Variants in FAM171A1 observed in about 807,000 individuals in gnomAD.
FAM171A1 encodes the protein family with sequence similarity 171 member A1.
A neutral mutation model predicts 74.9 loss-of-function variants in FAM171A1; 23 were observed. That is an observed-to-expected ratio of 0.31 (90% CI 0.22 to 0.44). FAM171A1 has a LOEUF of 0.44. Ranked by LOEUF, FAM171A1 falls within the 20% of genes least tolerant of loss-of-function variation. FAM171A1 has a pLI of 1.00. For synonymous variants in FAM171A1, 527 were observed against 505.7 expected, an observed-to-expected ratio of 1.04 and a Z score of -0.57; for missense variants, 1,162 against 1,159.2, an observed-to-expected ratio of 1.00 and a Z score of -0.03.
At position 15,213,389 on chromosome 10, in the gene FAM171A1, G is replaced by T. The variant is rs768929987; in HGVS notation, c.2199C>A (p.Asn733Lys). The T allele has an allele frequency of 6.2e-7, 1 of 1,614,104 alleles. No homozygotes were observed. Among genetic ancestry groups the T allele is most frequent in the African/African-American group, 1.3e-5 (1 of 75,018 alleles). The stretch of plus-strand genomic sequence containing the variant: ...AGTCCAAACTGGCATCATTACTTCC[G>T]TTCCTTCCAGCTCTTTGGAGATCAA... ...SYIDLQRAGRNGSNDASLDSG... is the reference protein window; with the variant it reads ...SYIDLQRAGRKGSNDASLDSG... The change falls in exon 8 of 8, where the codon AAC (asparagine) becomes AAA (lysine). Residue 733 changes from asparagine to lysine, a missense_variant. Transcript: ENST00000378116. The surrounding 1 kb of genome is among the most constrained non-coding windows in gnomAD (Gnocchi z 6.8).
intron 3 of FAM171A1, 99 bp from the exon 4 acceptor site, chr10:15,254,978 C>T: frequency 2.7e-6 from 3 of 1,099,054 alleles, no homozygotes; most frequent in Non-Finnish European, 4.0e-6. Flanking sequence ...CAGCACGCCT[C>T]CCCCACCCTG....
In FAM171A1 at chr10:15,214,423, C is replaced by CG. The variant is rs1564612167; in HGVS notation, c.1164dup (p.Gly389ArgfsTer38). ...ACTCCACTCATCAGTTCCTTCGTGC[C>CG]GGGGGCCTCGGGGCGGCCGTGGCTG... On this transcript the variant is annotated frameshift_variant, in exon 8 of 8. Transcript: ENST00000378116. LOFTEE classifies it high-confidence loss of function. 1 of 1,614,040 alleles carries CG rather than the reference C, an allele frequency of 6.2e-7. No homozygotes were observed. Among genetic ancestry groups the CG allele is most frequent in the Non-Finnish European group, 8.5e-7 (1 of 1,180,008 alleles).
At chr10:15,218,546 A>G (rs1833996149) in intron 6 of FAM171A1, among the ~76,000 whole-genome samples, 1 of 152,148 alleles carries the variant, frequency 6.6e-6, no homozygotes, top group South Asian at 2.1e-4. Context: ...TTGTGAGATG[A>G]CTGACATATG....
At chr10:15,335,181 T>C (rs1835686019) in intron 1 of FAM171A1, among the ~76,000 whole-genome samples, 1 of 152,152 alleles carries the variant, frequency 6.6e-6, no homozygotes, top group African/African-American at 2.4e-5. Flanking sequence ...GAGGTGGAAT[T>C]TGCAGTGAGC....
intron 7 of FAM171A1, 99 bp from the exon 8 acceptor site, chr10:15,214,700 G>A: frequency 1.4e-6 from 2 of 1,446,966 alleles, no homozygotes; most frequent in Non-Finnish European, 1.8e-6. Flanking sequence ...TTTCCATGGG[G>A]AGAGACAAAA....
chr10:15,276,471 G>A (rs914504551), intron 2 of FAM171A1, among the ~76,000 whole-genome samples: 6 of 152,072 alleles, frequency 3.9e-5, no homozygotes, highest in South Asian at 2.1e-4. Context: ...GAGCCACTGC[G>A]CCCAGCCAGA....
rs1018198548 is a variant in FAM171A1, at chr10:15,270,039, C to T, written c.418+5816G>A. Among the ~76,000 whole-genome samples the T allele has an allele frequency of 2.0e-5, 3 of 152,188 alleles. No individual in the cohort carries two copies. The East Asian group carries it at 5.8e-4, about 29-fold the overall frequency. Reference sequence around the variant, plus strand: ...AGGTACCAGGTTCATCTCACTGGGGCTTGTCGGACAGTAGGTGCAGCCCAC... The same window carrying T: ...AGGTACCAGGTTCATCTCACTGGGGTTTGTCGGACAGTAGGTGCAGCCCAC... On this transcript the variant is annotated intron_variant, in intron 3 of 7. Coordinates refer to ENST00000378116, the MANE Select transcript of FAM171A1 (RefSeq NM_001010924.2).
At chr10:15,362,069 G>A (rs1447143695) in intron 1 of FAM171A1, among the ~76,000 whole-genome samples, 2 of 152,190 alleles carry the variant, frequency 1.3e-5, no homozygotes, top group African/African-American at 2.4e-5. Context: ...TCTCACATTT[G>A]AGTGTCCTTA....
At position 15,226,704 on chromosome 10, in the gene FAM171A1, A is replaced by G. The variant is rs80299187; in HGVS notation, c.755-5644T>C. Among the ~76,000 whole-genome samples the G allele has an allele frequency of 8.6e-3, 1,315 of 152,288 alleles. 26 individuals carry two copies. Among genetic ancestry groups the G allele is most frequent in the African/African-American group, 0.03 (1,242 of 41,542 alleles). Reference sequence around the variant, plus strand: ...CAGGGTCATAATTATGATCAACTACAATGCTAGGTTCTGACATATGAATGT... The same window carrying G: ...CAGGGTCATAATTATGATCAACTACGATGCTAGGTTCTGACATATGAATGT... On this transcript the variant is annotated intron_variant, in intron 5 of 7. Coordinates refer to ENST00000378116, the MANE Select transcript of FAM171A1 (RefSeq NM_001010924.2).
intron 5 of FAM171A1, among the ~76,000 whole-genome samples, chr10:15,232,580 T>C (rs997670622): frequency 6.6e-6 from 1 of 152,086 alleles, no homozygotes; most frequent in Non-Finnish European, 1.5e-5. Context: ...CCATGGGAAA[T>C]CTTCCCATTT....
At chr10:15,280,083 T>C (rs538943992) in intron 2 of FAM171A1, among the ~76,000 whole-genome samples, 1 of 151,844 alleles carries the variant, frequency 6.6e-6, no homozygotes, top group East Asian at 1.9e-4. Flanking sequence ...TGAGACTTCA[T>C]CTCAAAAAGA....
chr10:15,238,641 T>C (rs1471121739), intron 5 of FAM171A1, among the ~76,000 whole-genome samples: 3 of 151,272 alleles, frequency 2.0e-5, no homozygotes, highest in Admixed American at 6.6e-5. Context: ...ACTAATTAAA[T>C]GAGCTTGTCA....
At chr10:15,288,075 T>C (rs981509942) in intron 1 of FAM171A1, among the ~76,000 whole-genome samples, 5 of 152,228 alleles carry the variant, frequency 3.3e-5, no homozygotes, top group Non-Finnish European at 5.9e-5. Context: ...TCCTTCCAGG[T>C]TGCTGCAAAT....
chr10:15,253,727 C>A (rs1229722587), intron 4 of FAM171A1, among the ~76,000 whole-genome samples: 2 of 152,234 alleles, frequency 1.3e-5, no homozygotes, highest in Admixed American at 1.3e-4. Context: ...CAACTCAGAA[C>A]AGCCTTTGAT....
At chr10:15,217,189 T>C (rs1306232132) in intron 6 of FAM171A1, among the ~76,000 whole-genome samples, 1 of 152,214 alleles carries the variant, frequency 6.6e-6, no homozygotes, top group Admixed American at 6.5e-5. Context: ...TGTTCCGTAG[T>C]AGTACAAATC....
upstream of FAM171A1, among the ~76,000 whole-genome samples, chr10:15,372,816 TTTTC>T (rs1432017937): frequency 6.6e-6 from 1 of 152,014 alleles, no homozygotes; most frequent in African/African-American, 2.4e-5. Context: ...CAACCTCAAC[TTTTC>T]TTTCTCTCAA....
intron 1 of FAM171A1, among the ~76,000 whole-genome samples, chr10:15,366,096 T>C (rs1452418086): frequency 6.6e-6 from 1 of 152,198 alleles, no homozygotes; most frequent in Non-Finnish European, 1.5e-5. Flanking sequence ...ATACAATTCT[T>C]TGGTCGAGTA....
chr10:15,270,806 G>A (rs1025634737), intron 3 of FAM171A1, among the ~76,000 whole-genome samples: 2 of 152,218 alleles, frequency 1.3e-5, no homozygotes, highest in Non-Finnish European at 2.9e-5. Context: ...CAGACCTGCA[G>A]CTGAGGGTCC....
chr10:15,283,899 A>C lies in FAM171A1; in HGVS notation c.304T>G (p.Trp102Gly). 2 of 1,614,168 alleles carry C rather than the reference A, an allele frequency of 1.2e-6. No homozygotes were observed. The highest frequency in any genetic ancestry group is 1.7e-6 in the Non-Finnish European group (2 of 1,180,022). The change falls in exon 2 of 8, where the codon TGG becomes GGG. Residue 102 changes from tryptophan (W) to glycine (G), a missense_variant. Trp to Gly is a radical substitution (Grantham distance 184). Coordinates refer to ENST00000378116, the MANE Select transcript of FAM171A1 (RefSeq NM_001010924.2). ...KHAYVPNSAPWKPIRLPVFSS... is the reference protein window; with the variant it reads ...KHAYVPNSAPGKPIRLPVFSS... ...TTACCAGGTAACCGGATTGGCTTCCATGGGGCAGAGTTTGGCACGTAGGCA... is the reference window on the plus strand; with the variant it reads ...TTACCAGGTAACCGGATTGGCTTCCCTGGGGCAGAGTTTGGCACGTAGGCA...
Sources: allele counts gnomAD v4.1 joint callset (sites outside exome capture counted in the v4.1 genomes callset), GRCh38; gene constraint gnomAD v4.1.1; non-coding constraint Gnocchi (gnomAD v3.1); transcripts MANE v1.5; gene names NCBI Gene and HGNC (gene_info 2026-07-23, HGNC 2026-07-21).